Variants in SLC25A37 observed in about 807,000 individuals in gnomAD.
SLC25A37 encodes solute carrier family 25 member 37.
Under a neutral mutation model 31.0 loss-of-function variants are expected in SLC25A37, and 17 were observed. The ratio of observed to expected loss-of-function variants is 0.55; its 90% CI spans 0.38 to 0.82. The LOEUF (loss-of-function observed/expected upper bound fraction) is 0.82, where lower values mean the gene tolerates loss of function less well. Ranked by LOEUF, SLC25A37 falls within the 40% of genes least tolerant of loss-of-function variation. The pLI is 0.00. For missense variants in SLC25A37, 404 were observed against 465.8 expected (o/e 0.87, Z 1.22); for synonymous variants, 222 against 193.0 (o/e 1.15, Z -1.24).
At chr8:23,541,392 C>A (rs1801890272) in intron 1 of SLC25A37, 1 of 152,352 alleles carries the variant, frequency 6.6e-6, no homozygotes, top group Non-Finnish European at 1.5e-5. Flanking sequence ...GACTAATGAT[C>A]CCGGAAGAAT....
intron 1 of SLC25A37, among the ~76,000 whole-genome samples, chr8:23,547,944 C>G (rs1025543655): frequency 6.6e-6 from 1 of 152,140 alleles, no homozygotes; most frequent in Admixed American, 6.6e-5. Context: ...TTCACAAGTT[C>G]ACTACCAGGA....
rs1802586545 is a variant in SLC25A37 at position 23,564,076 on chromosome 8, CCTTT to C, written c.211-2027_211-2024del. On this transcript the variant is annotated intron_variant, in intron 1 of 3. Coordinates refer to ENST00000519973, the MANE Select transcript of SLC25A37 (RefSeq NM_016612.4). ...ACTTTTTTTTAAGCATTAAAAATGC[CCTTT>C]CTTTTACAAAATCATGTTTGTGGTG... Among the ~76,000 whole-genome samples, 3 of 151,612 alleles carry C rather than the reference CCTTT, an allele frequency of 2.0e-5. No homozygotes were observed. In the South Asian group the frequency reaches 6.3e-4, roughly 32 times the overall value.
intron 1 of SLC25A37, among the ~76,000 whole-genome samples, chr8:23,546,270 T>G (rs1038334796): frequency 6.6e-6 from 1 of 151,908 alleles, no homozygotes; most frequent in African/African-American, 2.4e-5. Context: ...TACTGCACTC[T>G]AGCCTGGGTG....
intron 1 of SLC25A37, among the ~76,000 whole-genome samples, chr8:23,531,364 T>C (rs1801657649): frequency 6.6e-6 from 1 of 152,220 alleles, no homozygotes; most frequent in Admixed American, 6.5e-5. Context: ...GGGTTGGGCT[T>C]CAAGCCCTGC....
At chr8:23,550,432 T>C (rs755906635) in intron 1 of SLC25A37, among the ~76,000 whole-genome samples, 1 of 152,234 alleles carries the variant, frequency 6.6e-6, no homozygotes, top group Non-Finnish European at 1.5e-5. Flanking sequence ...AAGAGGAGGC[T>C]GGCGACGGGA....
intron 1 of SLC25A37, among the ~76,000 whole-genome samples, chr8:23,557,792 G>A (rs1802407613): frequency 6.6e-6 from 1 of 152,202 alleles, no homozygotes; most frequent in African/African-American, 2.4e-5. Context: ...TGCTAGCTGG[G>A]GACAGTTGAC....
chr8:23,540,537 T>C (rs1300562291), intron 1 of SLC25A37, among the ~76,000 whole-genome samples: 1 of 152,200 alleles, frequency 6.6e-6, no homozygotes, highest in African/African-American at 2.4e-5. Context: ...GGAAGAAGGA[T>C]GATGACATAT....
chr8:23,544,769 C>T (rs1246860271), intron 1 of SLC25A37, among the ~76,000 whole-genome samples: 1 of 152,198 alleles, frequency 6.6e-6, no homozygotes, highest in Admixed American at 6.5e-5. Context: ...GCCACTGACA[C>T]TCTAATCTGG....
chr8:23,548,001 A>G (rs1367319966), intron 1 of SLC25A37, among the ~76,000 whole-genome samples: 1 of 152,050 alleles, frequency 6.6e-6, no homozygotes, highest in African/African-American at 2.4e-5. Flanking sequence ...GTCACCCCGC[A>G]CTGCCAGCAG....
intron 1 of SLC25A37, among the ~76,000 whole-genome samples, chr8:23,563,720 G>A (rs2928687): frequency 2.6e-5 from 4 of 152,186 alleles, no homozygotes; most frequent in Non-Finnish European, 4.4e-5. Context: ...AGTGGCTCAC[G>A]CCTGTAATCC....
At chr8:23,571,028 C>T (rs969926964) in intron 3 of SLC25A37, among the ~76,000 whole-genome samples, 4 of 152,286 alleles carry the variant, frequency 2.6e-5, no homozygotes, top group Admixed American at 6.5e-5. Context: ...AGATCAGCGA[C>T]TCTAGTCTGA....
At chr8:23,534,945 C>G (rs1004221295) in intron 1 of SLC25A37, among the ~76,000 whole-genome samples, 2 of 152,186 alleles carry the variant, frequency 1.3e-5, no homozygotes, top group African/African-American at 4.8e-5. Context: ...CAGATCCCGT[C>G]CTCACCCTGA....
chr8:23,573,880 G>T lies in SLC25A37; in HGVS notation c.*2025G>T. 1 of 456,654 alleles carries T rather than the reference G, an allele frequency of 2.2e-6. No individual in the cohort carries two copies. The highest frequency in any genetic ancestry group is 4.4e-6 in the Non-Finnish European group (1 of 226,928). 28.3% of individuals were successfully genotyped at this position (456,654 alleles called of 1,614,324 possible). A position where few individuals can be genotyped will look rare whatever the true frequency, so the allele number is the denominator to read the frequency against. On this transcript the variant is annotated 3_prime_UTR_variant, in exon 4 of 4. Transcript: ENST00000519973. The stretch of plus-strand genomic sequence containing the variant: ...AACCCACATGGGGATGTAGAAAGCC[G>T]TAAAGTCCACGCTACTGTTGAAAAT...
intron 1 of SLC25A37, among the ~76,000 whole-genome samples, chr8:23,565,013 C>A (rs887244261): frequency 6.6e-6 from 1 of 152,158 alleles, no homozygotes; most frequent in Non-Finnish European, 1.5e-5. Flanking sequence ...CTAGCCAAGT[C>A]CAAAATCTGC....
intron 1 of SLC25A37, among the ~76,000 whole-genome samples, chr8:23,549,309 C>G (rs537554676): frequency 1.3e-5 from 2 of 152,132 alleles, no homozygotes. Flanking sequence ...TTTTGGAAAC[C>G]CTTCTGGCCA....
intron 1 of SLC25A37, among the ~76,000 whole-genome samples, chr8:23,561,151 C>T (rs1802504609): frequency 6.6e-6 from 1 of 152,158 alleles, no homozygotes; most frequent in Non-Finnish European, 1.5e-5. Flanking sequence ...ACTCACTTCC[C>T]AAGCTTAACT....
intron 1 of SLC25A37, among the ~76,000 whole-genome samples, chr8:23,560,728 CAG>C (rs1462502563): frequency 6.6e-6 from 1 of 152,196 alleles, no homozygotes; most frequent in African/African-American, 2.4e-5. Context: ...ACCCTGAGGA[CAG>C]AGAAGTCCAC....
Position 23,571,687 on chromosome 8 carries a change from C to A in SLC25A37, c.849C>A (p.Ala283=), listed in dbSNP as rs763577254. 5.0e-6 allele frequency: 8 copies of A among 1,613,940 alleles called. No individual in the cohort carries two copies. The South Asian group carries it at 8.8e-5, about 18-fold the overall frequency. The change falls in exon 4 of 4, where the codon GCC becomes GCA. Residue 283 remains alanine, a synonymous_variant. Coordinates refer to ENST00000519973, the MANE Select transcript of SLC25A37 (RefSeq NM_016612.4). The part of the protein sequence containing the change: ...ANISGRLSGM[A]NAFRTVYQLN... ...TCAGCGGCCGGCTGTCGGGTATGGC[C>A]AATGCCTTCCGGACGGTGTACCAGC...
chr8:23,543,977 C>G (rs1429064054), intron 1 of SLC25A37, among the ~76,000 whole-genome samples: 1 of 152,094 alleles, frequency 6.6e-6, no homozygotes, highest in African/African-American at 2.4e-5. Context: ...TCTCCTGCCT[C>G]AGCCTCCCGA....
Sources: allele counts gnomAD v4.1 joint callset (sites outside exome capture counted in the v4.1 genomes callset), GRCh38; gene constraint gnomAD v4.1.1; transcripts MANE v1.5; gene names NCBI Gene and HGNC (gene_info 2026-07-23, HGNC 2026-07-21).